The following SLC17A1 variants were observed in gnomAD, a reference collection of about 807,000 sequenced individuals.
SLC17A1 encodes sodium-dependent phosphate transport protein 1.
SLC17A1 carries 51 observed loss-of-function variants against 53.5 expected under a neutral mutation model. The observed-to-expected ratio is 0.95, with a 90% CI of 0.76 to 1.20. The LOEUF is 1.20. Among genes scored for constraint, SLC17A1 ranks in the 50% most tolerant of loss-of-function variants. The pLI is 0.00. For missense variants in SLC17A1, 538 were observed against 568.2 expected (o/e 0.95, Z 0.54); for synonymous variants, 179 against 198.8 (o/e 0.90, Z 0.84).
chr6:25,727,092 A>T, the SLC17A1 span: 2 of 1,614,246 alleles, frequency 1.2e-6, no homozygotes, highest in Non-Finnish European at 8.5e-7. Context: ...GAAAGCTATG[A>T]GCATTATGAA....
At chr6:25,814,916 G>A (rs1764285056) in intron 6 of SLC17A1, among the ~76,000 whole-genome samples, 1 of 151,718 alleles carries the variant, frequency 6.6e-6, no homozygotes, top group Non-Finnish European at 1.5e-5. Flanking sequence ...AATCCAGGAG[G>A]CTGAGGTTGC....
the SLC17A1 span, among the ~76,000 whole-genome samples, chr6:25,762,703 T>C: frequency 6.6e-6 from 1 of 152,226 alleles, no homozygotes; most frequent in Non-Finnish European, 1.5e-5. Context: ...TTAAGAATTA[T>C]GCATATCTTC....
chr6:25,793,791 T>G (rs1365617759), intron 12 of SLC17A1, among the ~76,000 whole-genome samples: 3 of 152,226 alleles, frequency 2.0e-5, no homozygotes, highest in Admixed American at 2.0e-4. Context: ...CCTTCCATTA[T>G]GAATGTAGGT....
At chr6:25,753,172 A>G in the SLC17A1 span, among the ~76,000 whole-genome samples, 1 of 152,202 alleles carries the variant, frequency 6.6e-6, no homozygotes, top group Non-Finnish European at 1.5e-5. Flanking sequence ...AACATTGGTA[A>G]AACACTTGGC....
At chr6:25,726,932 T>C in the SLC17A1 span, 10 of 1,613,428 alleles carry the variant, frequency 6.2e-6, no homozygotes, top group African/African-American at 1.3e-5. Flanking sequence ...CATCTAAAGG[T>C]GCTACCATTT....
At chr6:25,755,155 AT>A in the SLC17A1 span, among the ~76,000 whole-genome samples, 6 of 152,070 alleles carry the variant, frequency 3.9e-5, no homozygotes, top group African/African-American at 1.2e-4. Flanking sequence ...AAGTACATTA[AT>A]TTTTTTAAGC....
the SLC17A1 span, among the ~76,000 whole-genome samples, chr6:25,749,536 T>C: frequency 3.9e-5 from 6 of 152,298 alleles, no homozygotes; most frequent in East Asian, 7.7e-4. Flanking sequence ...ACAAGTGAGT[T>C]TGATATCAAA....
the SLC17A1 span, among the ~76,000 whole-genome samples, chr6:25,750,454 T>C: frequency 2.6e-5 from 4 of 152,332 alleles, no homozygotes; most frequent in South Asian, 6.2e-4. Context: ...AGTTGAAAGA[T>C]ACTATTTCTC....
chr6:25,771,053 C>A, the SLC17A1 span: 7 of 1,462,548 alleles, frequency 4.8e-6, no homozygotes, highest in African/African-American at 2.8e-5. Context: ...ATGACAGAGA[C>A]TTCTGTGATG....
At chr6:25,728,133 A>G in the SLC17A1 span, among the ~76,000 whole-genome samples, 1 of 152,194 alleles carries the variant, frequency 6.6e-6, no homozygotes, top group Admixed American at 6.5e-5. Flanking sequence ...TATAACTTGC[A>G]TTATGATCCC....
chr6:25,744,674 T>A, the SLC17A1 span, among the ~76,000 whole-genome samples: 1 of 152,184 alleles, frequency 6.6e-6, no homozygotes, highest in Admixed American at 6.5e-5. Flanking sequence ...TATGCTATTG[T>A]GCATCTCTTC....
At chr6:25,775,808 T>G in the SLC17A1 span, among the ~76,000 whole-genome samples, 1 of 152,174 alleles carries the variant, frequency 6.6e-6, no homozygotes, top group Non-Finnish European at 1.5e-5. Flanking sequence ...TTTTCCCAAC[T>G]TTTAAAATAC....
chr6:25,771,136 C>A, the SLC17A1 span: 1 of 770,260 alleles, frequency 1.3e-6, no homozygotes, highest in Non-Finnish European at 2.2e-6. Flanking sequence ...GTGTTCAGAG[C>A]CAACTACATT....
chr6:25,780,684 AG>A (rs530529498), downstream of SLC17A1: 864 of 152,368 alleles, frequency 5.7e-3, 4 homozygotes, highest in Middle Eastern at 0.024. Context: ...TGGTTTTCAA[AG>A]GCACTCTGCA....
chr6:25,794,221 TC>T (rs1347718842), intron 12 of SLC17A1, among the ~76,000 whole-genome samples: 4 of 152,200 alleles, frequency 2.6e-5, no homozygotes, highest in African/African-American at 9.7e-5. Context: ...CTCCTTTTGC[TC>T]TTTAGACTGC....
At chr6:25,823,706 G>A (rs957125541) in intron 3 of SLC17A1, among the ~76,000 whole-genome samples, 1 of 151,832 alleles carries the variant, frequency 6.6e-6, no homozygotes, top group African/African-American at 2.4e-5. Context: ...TATAAGATAT[G>A]ATTAGCAAAT....
chr6:25,805,461 A>G (rs1359680004), intron 10 of SLC17A1, among the ~76,000 whole-genome samples: 1 of 152,042 alleles, frequency 6.6e-6, no homozygotes, highest in Non-Finnish European at 1.5e-5. Context: ...TCACACCTCA[A>G]GGAACTAGAG....
rs543532607 is a variant in SLC17A1 at position 25,810,719 on chromosome 6, A to T, written c.1178+679T>A. On this transcript the variant is annotated intron_variant, in intron 10 of 12. Transcript: ENST00000244527. ...TGTTCCTCAAAAAATTAAAAGTATAACCACTATATGATCCAGCAATTCCAC... is the reference window on the plus strand; with the variant it reads ...TGTTCCTCAAAAAATTAAAAGTATATCCACTATATGATCCAGCAATTCCAC... Among the ~76,000 whole-genome samples the T allele has an allele frequency of 8.5e-5, 13 of 152,244 alleles. No individual in the cohort carries two copies. In the East Asian group the frequency reaches 2.5e-3, roughly 29 times the overall value.
chr6:25,807,155 G>C (rs779600552), intron 10 of SLC17A1, among the ~76,000 whole-genome samples: 5 of 152,060 alleles, frequency 3.3e-5, no homozygotes, highest in Non-Finnish European at 5.9e-5. Flanking sequence ...TCTACCATTC[G>C]ATCCAGAAAT....
Sources: gnomAD v4.1 joint callset for allele counts (sites outside exome capture counted in the v4.1 genomes callset) on GRCh38, gnomAD v4.1.1 for gene constraint, MANE v1.5 for transcripts, NCBI Gene and HGNC (gene_info 2026-07-23, HGNC 2026-07-21) for gene names.